The following CNTNAP2 variants were observed in gnomAD, a reference collection of about 807,000 sequenced individuals.
The protein encoded by CNTNAP2 is contactin-associated protein-like 2.
CNTNAP2 carries 98 observed loss-of-function variants against 155.2 expected under a neutral mutation model. The observed-to-expected ratio is 0.63, with a 90% CI of 0.54 to 0.75. The LOEUF (loss-of-function observed/expected upper bound fraction) is 0.75. Among genes scored for constraint, CNTNAP2 ranks in the 30% least tolerant of loss-of-function variants. The probability of loss-of-function intolerance (pLI) is 0.00; values close to 1 mark genes in which losing one functional copy is unlikely to be tolerated. For synonymous variants in CNTNAP2, 651 were observed against 631.2 expected, an observed-to-expected ratio of 1.03 and a Z score of -0.47; for missense variants, 1,727 against 1,688.1, an observed-to-expected ratio of 1.02 and a Z score of -0.40.
At chr7:147,743,381 A>G (rs1796983659) in intron 13 of CNTNAP2, among the ~76,000 whole-genome samples, 1 of 152,238 alleles carries the variant, frequency 6.6e-6, no homozygotes, top group South Asian at 2.1e-4. Context: ...GATCAGGGTC[A>G]TAAAAAATCT....
Position 146,906,768 on chromosome 7 carries a change from G to C in CNTNAP2, c.402+66864G>C, listed in dbSNP as rs547124939. Among the ~76,000 whole-genome samples, 172 of 152,270 alleles carry C rather than the reference G, an allele frequency of 1.1e-3. 2 individuals carry two copies. The South Asian group carries it at 0.024, about 22-fold the overall frequency. ...ACCTCTCCTCCTCCAAAGGAACGCA[G>C]CTCCTCACCAGCAACGGAACAAAGC... On this transcript the variant is annotated intron_variant, in intron 3 of 23. Coordinates refer to ENST00000361727, the MANE Select transcript of CNTNAP2 (RefSeq NM_014141.6).
At chr7:146,639,520 T>A (rs1443595146) in intron 1 of CNTNAP2, among the ~76,000 whole-genome samples, 1 of 152,218 alleles carries the variant, frequency 6.6e-6, no homozygotes, top group African/African-American at 2.4e-5. Flanking sequence ...TAAAACTTGC[T>A]TGAGTGTAAA....
intron 21 of CNTNAP2, among the ~76,000 whole-genome samples, chr7:148,357,588 T>C (rs1045910397): frequency 1.3e-5 from 2 of 152,190 alleles, no homozygotes; most frequent in Admixed American, 6.5e-5. Flanking sequence ...AGCTCTCTCC[T>C]CTGGATGTCC....
chr7:147,295,017 A>C (rs1805406629), intron 8 of CNTNAP2, among the ~76,000 whole-genome samples: 1 of 152,198 alleles, frequency 6.6e-6, no homozygotes, highest in African/African-American at 2.4e-5. Flanking sequence ...AAATGAATTA[A>C]AGTGTCCATG....
At chr7:147,653,021 T>C (rs1466475199) in intron 13 of CNTNAP2, among the ~76,000 whole-genome samples, 2 of 152,238 alleles carry the variant, frequency 1.3e-5, no homozygotes, top group East Asian at 3.8e-4. Flanking sequence ...ATATGGTTTA[T>C]ATAACAATTT....
At chr7:148,032,372 A>G (rs1290322914) in intron 15 of CNTNAP2, among the ~76,000 whole-genome samples, 1 of 152,156 alleles carries the variant, frequency 6.6e-6, no homozygotes, top group Admixed American at 6.5e-5. Flanking sequence ...TTGACATCAC[A>G]TCAGTGTGTG....
chr7:147,599,999 C>T (rs1344574287), intron 12 of CNTNAP2, among the ~76,000 whole-genome samples: 1 of 152,182 alleles, frequency 6.6e-6, no homozygotes, highest in Non-Finnish European at 1.5e-5. Context: ...ACCTTATTCA[C>T]AATAATTGAT....
At chr7:147,748,371 A>G (rs758029371) in intron 13 of CNTNAP2, among the ~76,000 whole-genome samples, 1 of 152,128 alleles carries the variant, frequency 6.6e-6, no homozygotes, top group East Asian at 1.9e-4. Flanking sequence ...TGATGAATGA[A>G]AAGTGTGCTG....
intron 2 of CNTNAP2, among the ~76,000 whole-genome samples, chr7:146,775,222 A>G (rs1205527416): frequency 6.6e-6 from 1 of 152,142 alleles, no homozygotes; most frequent in Middle Eastern, 3.2e-3. Context: ...GACAAGATGA[A>G]TAAGTTTTGG....
At chr7:147,689,296 C>T (rs1189640926) in intron 13 of CNTNAP2, among the ~76,000 whole-genome samples, 2 of 151,912 alleles carry the variant, frequency 1.3e-5, no homozygotes, top group African/African-American at 4.8e-5. Flanking sequence ...ATTACAGTTA[C>T]GCACCACCAA....
chr7:148,262,297 A>C (rs1796577550), intron 20 of CNTNAP2, among the ~76,000 whole-genome samples: 1 of 152,172 alleles, frequency 6.6e-6, no homozygotes, highest in Non-Finnish European at 1.5e-5. Flanking sequence ...CGGGAGAAAG[A>C]GATGTTTTGG....
chr7:147,190,522 T>C (rs541003139), intron 8 of CNTNAP2, among the ~76,000 whole-genome samples: 3 of 152,200 alleles, frequency 2.0e-5, no homozygotes, highest in Non-Finnish European at 4.4e-5. Context: ...CAGTTGTTCT[T>C]TGGGTCATTG....
chr7:146,975,272 C>G lies in CNTNAP2; in HGVS notation c.403-68635C>G, dbSNP rs941939944. 1.3e-4 allele frequency among the ~76,000 whole-genome samples: 20 copies of G among 152,160 alleles called. No homozygotes were observed. The East Asian group carries it at 2.5e-3, about 19-fold the overall frequency. Reference sequence around the variant, plus strand: ...CTGAAGTCAGGAGTTCGAGACCACCCTGGCCAACATGGCAAAACCCCGTCT... The same window carrying G: ...CTGAAGTCAGGAGTTCGAGACCACCGTGGCCAACATGGCAAAACCCCGTCT... On this transcript the variant is annotated intron_variant, in intron 3 of 23. Transcript: ENST00000361727.
intron 3 of CNTNAP2, among the ~76,000 whole-genome samples, chr7:146,875,188 G>C (rs185240938): frequency 7.2e-5 from 11 of 152,264 alleles, no homozygotes; most frequent in African/African-American, 2.6e-4. Flanking sequence ...GAGATTGTAA[G>C]TGGCATTTTG....
At chr7:146,728,565 G>GT (rs1458776478) in intron 1 of CNTNAP2, among the ~76,000 whole-genome samples, 2 of 148,672 alleles carry the variant, frequency 1.3e-5, no homozygotes, top group African/African-American at 5.0e-5. Flanking sequence ...ACATCAGGTT[G>GT]TACACCGTAA....
chr7:147,855,970 C>A (rs999637509), intron 13 of CNTNAP2, among the ~76,000 whole-genome samples: 2 of 152,134 alleles, frequency 1.3e-5, no homozygotes, highest in African/African-American at 4.8e-5. Context: ...ACTGTGTCCC[C>A]AGTCTAAACT....
At position 148,419,191 on chromosome 7, in the gene CNTNAP2, C is replaced by T. The variant is rs191385762; in HGVS notation, c.*3575C>T. 6.6e-6 allele frequency: 1 copy of T among 152,268 alleles called. No individual in the cohort carries two copies. Among genetic ancestry groups the T allele is most frequent in the Admixed American group, 6.5e-5 (1 of 15,296 alleles). 9.4% of individuals were successfully genotyped at this position (152,268 alleles called of 1,614,324 possible). On this transcript the variant is annotated 3_prime_UTR_variant, in exon 24 of 24. Coordinates refer to ENST00000361727, the MANE Select transcript of CNTNAP2 (RefSeq NM_014141.6). Reference sequence around the variant, plus strand: ...CCCGTTTATGTCTCATGCCTCCAAACAACACTGAATTTGAAACCCCCCATT... The same window carrying T: ...CCCGTTTATGTCTCATGCCTCCAAATAACACTGAATTTGAAACCCCCCATT...
intron 18 of CNTNAP2, among the ~76,000 whole-genome samples, chr7:148,191,994 T>C (rs1795207604): frequency 6.6e-6 from 1 of 152,112 alleles, no homozygotes; most frequent in Non-Finnish European, 1.5e-5. Flanking sequence ...TCAAGAACAA[T>C]GCAAGCTTGT....
Position 147,779,132 on chromosome 7 carries a change from A to G in CNTNAP2, c.2099-124433A>G, listed in dbSNP as rs182278650. On this transcript the variant is annotated intron_variant, in intron 13 of 23. Coordinates refer to ENST00000361727, the MANE Select transcript of CNTNAP2 (RefSeq NM_014141.6). ...TCAAAGAGGGTGTACCCTCCAGATA[A>G]TAGTGAATAAAAAATTCAGTGAAAG... Among the ~76,000 whole-genome samples, 35 of 152,350 alleles carry G rather than the reference A, an allele frequency of 2.3e-4. 1 individual carries two copies. The East Asian group carries it at 3.9e-3, about 17-fold the overall frequency.
Sources: gnomAD v4.1 joint callset for allele counts (sites outside exome capture counted in the v4.1 genomes callset) on GRCh38, gnomAD v4.1.1 for gene constraint, MANE v1.5 for transcripts, NCBI Gene and HGNC (gene_info 2026-07-23, HGNC 2026-07-21) for gene names.